Variants in TRDN observed in about 807,000 individuals in gnomAD.
The protein encoded by TRDN is triadin.
TRDN carries 161 observed loss-of-function variants against 149.7 expected under a neutral mutation model. The ratio of observed to expected loss-of-function variants is 1.08; its 90% confidence interval spans 0.95 to 1.23. TRDN has a LOEUF of 1.23. Ranked by LOEUF, TRDN falls within the 50% of genes most tolerant of loss-of-function variation. The pLI is 0.00. For synonymous variants in TRDN, 294 were observed against 250.5 expected (o/e 1.17, Z -1.64); for missense variants, 896 against 823.5 (o/e 1.09, Z -1.08).
chr6:123,621,274 T>G (rs1423347537), intron 1 of TRDN, among the ~76,000 whole-genome samples: 1 of 152,090 alleles, frequency 6.6e-6, no homozygotes, highest in Non-Finnish European at 1.5e-5. Flanking sequence ...TTATATATCT[T>G]GTGAGACTAG....
At chr6:123,605,755 C>T (rs1237223631) in intron 1 of TRDN, among the ~76,000 whole-genome samples, 1 of 152,050 alleles carries the variant, frequency 6.6e-6, no homozygotes, top group East Asian at 1.9e-4. Context: ...CAAAACAAGA[C>T]TGTCTCAAAA....
intron 12 of TRDN, among the ~76,000 whole-genome samples, chr6:123,403,898 T>C (rs1217008379): frequency 6.6e-6 from 1 of 152,062 alleles, no homozygotes; most frequent in African/African-American, 2.4e-5. Flanking sequence ...AGATAGCAGT[T>C]GAAGGGAGGA....
intron 2 of TRDN, among the ~76,000 whole-genome samples, chr6:123,558,724 T>C (rs561309106): frequency 3.7e-4 from 56 of 152,296 alleles, no homozygotes; most frequent in African/African-American, 1.3e-3. Flanking sequence ...CAGGACTTAA[T>C]TAACCTCACC....
intron 9 of TRDN, among the ~76,000 whole-genome samples, chr6:123,494,236 T>TA (rs1778339054): frequency 1.3e-5 from 2 of 152,196 alleles, no homozygotes; most frequent in African/African-American, 4.8e-5. Context: ...CTTAGGACTT[T>TA]TTAGAGTATG....
At chr6:123,247,957 C>A (rs1776244619) in intron 38 of TRDN, among the ~76,000 whole-genome samples, 1 of 152,036 alleles carries the variant, frequency 6.6e-6, no homozygotes, top group African/African-American at 2.4e-5. Context: ...CATCTACAAC[C>A]ACCTGATCTT....
intron 14 of TRDN, among the ~76,000 whole-genome samples, chr6:123,384,920 T>C (rs574281027): frequency 1.4e-4 from 21 of 152,290 alleles, no homozygotes; most frequent in African/African-American, 3.6e-4. Context: ...TTCAGCATTC[T>C]TGGCTCAAAC....
chr6:123,495,035 G>A (rs62420493), intron 9 of TRDN, among the ~76,000 whole-genome samples: 22,586 of 151,698 alleles, frequency 0.15, 1,787 homozygotes, highest in South Asian at 0.22. Flanking sequence ...GGCCCGGCCA[G>A]ATTGAACTTT....
chr6:123,496,549 C>T (rs1289668711), intron 9 of TRDN, among the ~76,000 whole-genome samples: 1 of 152,044 alleles, frequency 6.6e-6, no homozygotes, highest in Admixed American at 6.6e-5. Context: ...AGGCATAGTA[C>T]AAGCAATCAA....
chr6:123,469,476 A>G (rs569873997), intron 9 of TRDN, among the ~76,000 whole-genome samples: 1 of 152,182 alleles, frequency 6.6e-6, no homozygotes, highest in Non-Finnish European at 1.5e-5. Context: ...TGCCTATTAA[A>G]CAAAGACCTC....
chr6:123,244,244 G>C (rs1232635669), intron 38 of TRDN, among the ~76,000 whole-genome samples: 2 of 152,146 alleles, frequency 1.3e-5, no homozygotes, highest in African/African-American at 4.8e-5. Context: ...CAGAAAAGGA[G>C]TTTGACGAAT....
At chr6:123,253,718 G>A (rs1294343124) in intron 37 of TRDN, among the ~76,000 whole-genome samples, 1 of 152,096 alleles carries the variant, frequency 6.6e-6, no homozygotes, top group Non-Finnish European at 1.5e-5. Context: ...TTCCCAAGAT[G>A]AAGACTTTAA....
chr6:123,336,227 A>C (rs1779862276), intron 22 of TRDN, among the ~76,000 whole-genome samples: 1 of 152,042 alleles, frequency 6.6e-6, no homozygotes, highest in Non-Finnish European at 1.5e-5. Context: ...TTAAAGTGAA[A>C]AAATGGAATT....
intron 1 of TRDN, among the ~76,000 whole-genome samples, chr6:123,595,433 G>T (rs1001441020): frequency 3.9e-5 from 6 of 152,108 alleles, no homozygotes; most frequent in African/African-American, 1.4e-4. Context: ...ATGAAAGACT[G>T]ACTAGTTACT....
Position 123,252,425 on chromosome 6 carries a change from A to G in TRDN, c.1962T>C (p.Pro654=). The G allele has an allele frequency of 1.3e-6, 2 of 1,522,004 alleles. No individual in the cohort carries two copies. Among genetic ancestry groups the G allele is most frequent in the Non-Finnish European group, 1.8e-6 (2 of 1,116,004 alleles). 94.3% of individuals were successfully genotyped at this position (1,522,004 alleles called of 1,614,324 possible). A position where few individuals can be genotyped will look rare whatever the true frequency, so the allele number is the denominator to read the frequency against. ...QLHNVTKAEK[P]ARVSKDVEDV... ...AACCGTACTTACTTGATACTCTTGC[A>G]GGTTTTTCTGCTAAAAAGAGAAAAT... Residue 654 remains proline (P), a synonymous_variant, in exon 38 of 41, where the codon CCT becomes CCC. Coordinates refer to ENST00000334268, the MANE Select transcript of TRDN (RefSeq NM_006073.4).
At chr6:123,225,513 G>GAC (rs747190026) in intron 38 of TRDN, among the ~76,000 whole-genome samples, 1,684 of 148,716 alleles carry the variant, frequency 0.011, 24 homozygotes, top group African/African-American at 0.037. Context: ...TCACCACACA[G>GAC]ACACACACAC....
intron 23 of TRDN, among the ~76,000 whole-genome samples, chr6:123,322,985 A>G (rs1779305708): frequency 6.6e-6 from 1 of 152,078 alleles, no homozygotes; most frequent in Admixed American, 6.6e-5. Context: ...AGGACAGGGA[A>G]TATGTCTTTT....
chr6:123,277,214 T>C (rs1777397710), intron 26 of TRDN, among the ~76,000 whole-genome samples: 2 of 152,078 alleles, frequency 1.3e-5, no homozygotes, highest in African/African-American at 4.8e-5. Flanking sequence ...ATGTAACTGA[T>C]TTAGATGATT....
intron 12 of TRDN, among the ~76,000 whole-genome samples, chr6:123,423,105 T>A (rs561635750): frequency 5.5e-4 from 83 of 152,272 alleles, no homozygotes; most frequent in African/African-American, 1.7e-3. Flanking sequence ...TTTGGAGGAA[T>A]AAACATGTTG....
intron 31 of TRDN, among the ~76,000 whole-genome samples, chr6:123,269,635 T>C (rs923979682): frequency 2.6e-5 from 4 of 151,940 alleles, no homozygotes; most frequent in African/African-American, 7.2e-5. Context: ...CATTAATTGG[T>C]AGATTGATTT....
Sources: allele counts gnomAD v4.1 joint callset (sites outside exome capture counted in the v4.1 genomes callset), GRCh38; gene constraint gnomAD v4.1.1; transcripts MANE v1.5; gene names NCBI Gene and HGNC (gene_info 2026-07-23, HGNC 2026-07-21).